Variants in RBFOX3 observed in about 807,000 individuals in gnomAD.
RBFOX3 encodes the protein RNA binding fox-1 homolog 3.
Under a neutral mutation model 48.7 loss-of-function variants are expected in RBFOX3, and 17 were observed. The observed-to-expected ratio is 0.35, with a 90% CI of 0.24 to 0.52. The LOEUF is 0.52. RBFOX3 is among the 20% of genes least tolerant of loss of function. RBFOX3 has a pLI of 0.94. For synonymous variants in RBFOX3, 212 were observed against 209.5 expected, an observed-to-expected ratio of 1.01 and a Z score of -0.10; for missense variants, 382 against 497.5, an observed-to-expected ratio of 0.77 and a Z score of 2.21.
At chr17:79,216,207 C>A (rs1046761242) in intron 4 of RBFOX3, among the ~76,000 whole-genome samples, 2 of 152,252 alleles carry the variant, frequency 1.3e-5, no homozygotes, top group Non-Finnish European at 2.9e-5. Context: ...AGCAGCCCAG[C>A]CTGTTTGCCT....
chr17:79,646,388 C>T, the RBFOX3 span, among the ~76,000 whole-genome samples: 2 of 152,148 alleles, frequency 1.3e-5, no homozygotes, highest in Non-Finnish European at 2.9e-5. Flanking sequence ...ACTGCTAATA[C>T]AGACTGGGTA....
intron 3 of RBFOX3, among the ~76,000 whole-genome samples, chr17:79,239,717 GA>G (rs2062093354): frequency 2.0e-5 from 3 of 152,256 alleles, no homozygotes; most frequent in Non-Finnish European, 4.4e-5. Flanking sequence ...CCATATCTTA[GA>G]GGTCCTGGTG....
At position 79,299,297 on chromosome 17, in the gene RBFOX3, T is replaced by A. The variant is rs1325605055; in HGVS notation, c.-74+8427A>T. Among the ~76,000 whole-genome samples the A allele has an allele frequency of 6.6e-6, 1 of 151,872 alleles. No homozygotes were observed. Among genetic ancestry groups the A allele is most frequent in the Non-Finnish European group, 1.5e-5 (1 of 67,970 alleles). ...GGGCTGAGTTTTGTCCCCTCAAAAT[T>A]CCTGTGTTGAAGTCCTAACCACTGG... On this transcript the variant is annotated intron_variant, in intron 3 of 14. Coordinates refer to ENST00000693108, the MANE Select transcript of RBFOX3 (RefSeq NM_001350451.2). The surrounding 1 kb of genome is among the most constrained non-coding windows in gnomAD (Gnocchi z 4.5).
intron 2 of RBFOX3, among the ~76,000 whole-genome samples, chr17:79,354,777 G>A (rs954021417): frequency 1.3e-5 from 2 of 152,228 alleles, no homozygotes; most frequent in Non-Finnish European, 2.9e-5. Flanking sequence ...CCCTCAGAGA[G>A]GGGTTAATTT....
intron 1 of RBFOX3, among the ~76,000 whole-genome samples, chr17:79,490,382 G>A (rs977494402): frequency 3.9e-5 from 6 of 152,310 alleles, no homozygotes; most frequent in Middle Eastern, 3.4e-3. Flanking sequence ...CCCCAAGGTC[G>A]GGAGAATGGT....
At chr17:79,494,988 G>A (rs2081227871) in intron 1 of RBFOX3, among the ~76,000 whole-genome samples, 1 of 152,132 alleles carries the variant, frequency 6.6e-6, no homozygotes, top group Admixed American at 6.5e-5. Context: ...CCCCATCTTT[G>A]GGGGTGGCTG....
At chr17:79,119,849 C>A (rs552224397) in intron 4 of RBFOX3, among the ~76,000 whole-genome samples, 1 of 152,302 alleles carries the variant, frequency 6.6e-6, no homozygotes, top group South Asian at 2.1e-4. Context: ...AGTGTCCACA[C>A]CTGGGCCGCA....
chr17:79,475,008 A>C (rs2077528857), intron 2 of RBFOX3, among the ~76,000 whole-genome samples: 1 of 152,114 alleles, frequency 6.6e-6, no homozygotes, highest in Non-Finnish European at 1.5e-5. Flanking sequence ...CCACAGGCAG[A>C]GCAAGACTCC....
intron 2 of RBFOX3, among the ~76,000 whole-genome samples, chr17:79,461,947 G>A (rs1371590037): frequency 6.6e-6 from 1 of 152,226 alleles, no homozygotes; most frequent in African/African-American, 2.4e-5. Flanking sequence ...GAAGGAACCA[G>A]TCCTGCCAAC....
At chr17:79,370,992 TC>T (rs1351377777) in intron 2 of RBFOX3, among the ~76,000 whole-genome samples, 2 of 25,554 alleles carry the variant, frequency 7.8e-5, no homozygotes, top group Non-Finnish European at 2.1e-4. Context: ...TTTCCTCTCC[TC>T]CCCCGGTAGG....
In RBFOX3 at chr17:79,386,029, G is replaced by A. The variant is rs139389114; in HGVS notation, c.-174-78205C>T. ...CTCCATTACTTCCTATAACAGATGG[G>A]GTTCCAACACCTCCCATTACAGAAA... On this transcript the variant is annotated intron_variant, in intron 2 of 14. Coordinates refer to ENST00000693108, the MANE Select transcript of RBFOX3 (RefSeq NM_001350451.2). Among the ~76,000 whole-genome samples the A allele has an allele frequency of 1.1e-3, 165 of 147,504 alleles. 2 individuals are homozygous for A. The East Asian group carries it at 0.029, about 26-fold the overall frequency.
In RBFOX3 at chr17:79,364,131, A is replaced by T. The variant is rs2057387899; in HGVS notation, c.-174-56307T>A. Among the ~76,000 whole-genome samples, 1 of 152,200 alleles carries T rather than the reference A, an allele frequency of 6.6e-6. No homozygotes were observed. The highest frequency in any genetic ancestry group is 1.5e-5 in the Non-Finnish European group (1 of 68,036). On this transcript the variant is annotated intron_variant, in intron 2 of 14. Transcript: ENST00000693108. The surrounding 1 kb of genome is among the most constrained non-coding windows in gnomAD (Gnocchi z 5.1). ...CGCACCACTCTGGGACCATTCACTC[A>T]GTCATTTAAACAGCCCCATGCCCAG... is the stretch of plus-strand genomic sequence containing the variant.
intron 1 of RBFOX3, among the ~76,000 whole-genome samples, chr17:79,576,103 G>C (rs1221368885): frequency 1.3e-5 from 2 of 152,224 alleles, no homozygotes; most frequent in Non-Finnish European, 2.9e-5. Flanking sequence ...CCTCCAGAAG[G>C]TGGATGGGTA....
At chr17:79,129,877 G>A (rs74924957) in intron 4 of RBFOX3, among the ~76,000 whole-genome samples, 3,233 of 152,284 alleles carry the variant, frequency 0.021, 124 homozygotes, top group African/African-American at 0.074. Flanking sequence ...GGGGAGGAAT[G>A]GGCGGACCTG....
intron 3 of RBFOX3, among the ~76,000 whole-genome samples, chr17:79,284,760 G>A (rs1437036186): frequency 1.3e-5 from 2 of 152,014 alleles, no homozygotes; most frequent in Admixed American, 1.3e-4. Flanking sequence ...GGCTGGTGTC[G>A]AACTCCTGAC....
intron 2 of RBFOX3, among the ~76,000 whole-genome samples, chr17:79,360,925 G>A (rs1039879289): frequency 1.3e-5 from 2 of 151,194 alleles, no homozygotes; most frequent in African/African-American, 4.9e-5. Flanking sequence ...AGGTGTGATT[G>A]TAAACCAATT....
chr17:79,136,128 T>A (rs1306044410), intron 4 of RBFOX3: 1 of 152,248 alleles, frequency 6.6e-6, no homozygotes, highest in East Asian at 1.9e-4. Context: ...CGTGCCGACC[T>A]CAGAGACGTG....
intron 4 of RBFOX3, among the ~76,000 whole-genome samples, chr17:79,147,232 G>A (rs904552939): frequency 2.6e-5 from 4 of 152,242 alleles, no homozygotes; most frequent in Non-Finnish European, 5.9e-5. Flanking sequence ...CGCTGGCCAT[G>A]TCTGGCCTTC....
intron 3 of RBFOX3, among the ~76,000 whole-genome samples, chr17:79,248,409 T>C (rs9910081): frequency 0.51 from 77,662 of 151,834 alleles, 20,009 homozygotes; most frequent in Middle Eastern, 0.66. Flanking sequence ...TTGAAGTGAT[T>C]AAAAGCCAGG....
Sources: allele counts gnomAD v4.1 joint callset (sites outside exome capture counted in the v4.1 genomes callset), GRCh38; gene constraint gnomAD v4.1.1; non-coding constraint Gnocchi (gnomAD v3.1); transcripts MANE v1.5; gene names NCBI Gene and HGNC (gene_info 2026-07-23, HGNC 2026-07-21).